Variants in UNC45B observed in about 807,000 individuals in gnomAD.
The protein encoded by UNC45B is unc-45 myosin chaperone B, also known as protein unc-45 homolog B.
A neutral mutation model predicts 98.7 loss-of-function variants in UNC45B; 78 were observed. The ratio of observed to expected loss-of-function variants is 0.79; its 90% CI spans 0.66 to 0.95. The LOEUF (loss-of-function observed/expected upper bound fraction) is 0.95, where lower values mean the gene tolerates loss of function less well. Among genes scored for constraint, UNC45B ranks in the 40% least tolerant of loss-of-function variants. The pLI is 0.00. For missense variants in UNC45B, 1,225 were observed against 1,184.9 expected, an observed-to-expected ratio of 1.03 and a Z score of -0.50; for synonymous variants, 462 against 480.4, an observed-to-expected ratio of 0.96 and a Z score of 0.50.
chr17:35,168,451 C>T, intron 10 of UNC45B, 90 bp downstream of exon 10: 1 of 1,174,784 alleles, frequency 8.5e-7, no homozygotes, highest in Non-Finnish European at 1.1e-6. Context: ...AGGCTGCTGT[C>T]CTTGAGGAGA....
rs1248891653 is a variant in UNC45B, at chr17:35,170,096, C to T, written c.1548-18C>T. On this transcript the variant is annotated intron_variant, in intron 11 of 19. Coordinates refer to ENST00000394570, the MANE Select transcript of UNC45B (RefSeq NM_001267052.2). ...AGCCCTGGGCCCCTTCCCATGTGTG[C>T]TCCCTCCTCACTTCCAGGTGGCTGT... is the stretch of plus-strand genomic sequence containing the variant. 1 of 1,604,598 alleles carries T rather than the reference C, an allele frequency of 6.2e-7. No homozygotes were observed.
At chr17:35,154,250 T>C (rs542862622) in intron 5 of UNC45B, among the ~76,000 whole-genome samples, 70 of 152,364 alleles carry the variant, frequency 4.6e-4, no homozygotes, top group Admixed American at 1.2e-3. Context: ...TATACATCTT[T>C]ATTTTAACAT....
Position 35,180,547 on chromosome 17 carries a change from C to G in UNC45B, c.2256-12C>G. The G allele has an allele frequency of 6.2e-7, 1 of 1,610,542 alleles. No homozygotes were observed. The highest frequency in any genetic ancestry group is 1.3e-5 in the African/African-American group (1 of 74,964). On this transcript the variant is annotated splice_polypyrimidine_tract_variant and intron_variant, in intron 17 of 19. Transcript: ENST00000394570. The stretch of plus-strand genomic sequence containing the variant: ...ACTCAAGGGTCTTTCTTCCTCCACC[C>G]TCCTACCCTAGGCAGAAGATCTTTA...
intron 13 of UNC45B, among the ~76,000 whole-genome samples, chr17:35,172,123 A>G (rs1370539861): frequency 6.6e-6 from 1 of 152,190 alleles, no homozygotes; most frequent in African/African-American, 2.4e-5. Context: ...GTTACCTACC[A>G]GAGGCTTTTT....
chr17:35,150,645 A>G (rs1055672552), intron 4 of UNC45B, among the ~76,000 whole-genome samples: 1 of 152,086 alleles, frequency 6.6e-6, no homozygotes, highest in Non-Finnish European at 1.5e-5. Flanking sequence ...GCTACTCAAG[A>G]GGCTGAGGCA....
Position 35,154,599 on chromosome 17 carries a change from G to T in UNC45B, c.497G>T (p.Gly166Val), listed in dbSNP as rs983087978. 6.8e-6 allele frequency: 11 copies of T among 1,613,586 alleles called. No homozygotes were observed. Among genetic ancestry groups the T allele is most frequent in the Non-Finnish European group, 9.3e-6 (11 of 1,179,850 alleles). ...EKAANNLIVL[G>V]REEAGAEKIF... Reference sequence around the variant, plus strand: ...GCTGCCAACAATCTCATTGTCCTAGGCCGTGAGGAAGCAGGGGCTGAGAAG... The same window carrying T: ...GCTGCCAACAATCTCATTGTCCTAGTCCGTGAGGAAGCAGGGGCTGAGAAG... Residue 166 changes from glycine to valine, a missense_variant, in exon 6 of 20, where the codon GGC becomes GTC. Gly to Val is a moderately radical substitution (Grantham distance 109). Transcript: ENST00000394570.
intron 14 of UNC45B, among the ~76,000 whole-genome samples, chr17:35,175,034 G>A (rs894219886): frequency 7.3e-6 from 1 of 137,586 alleles, no homozygotes; most frequent in African/African-American, 2.8e-5. Context: ...AGGAGAGAGA[G>A]GAAAGAAGGA....
intron 12 of UNC45B, among the ~76,000 whole-genome samples, chr17:35,171,088 A>T (rs1039561118): frequency 2.0e-5 from 3 of 152,156 alleles, no homozygotes; most frequent in African/African-American, 7.2e-5. Context: ...TCTTTGTGGG[A>T]CAGCTCCTAT....
intron 8 of UNC45B, among the ~76,000 whole-genome samples, chr17:35,163,705 G>A (rs1334027929): frequency 1.3e-5 from 2 of 152,168 alleles, no homozygotes; most frequent in Non-Finnish European, 2.9e-5. Context: ...CTATACATCA[G>A]CCCATGGAAT....
At chr17:35,172,775 T>C (rs1184574030) in intron 13 of UNC45B, among the ~76,000 whole-genome samples, 1 of 152,172 alleles carries the variant, frequency 6.6e-6, no homozygotes, top group Non-Finnish European at 1.5e-5. Context: ...ATCCACTGTG[T>C]CCTTTCCTGC....
chr17:35,152,509 G>C (rs943612627), intron 4 of UNC45B, among the ~76,000 whole-genome samples: 3 of 152,190 alleles, frequency 2.0e-5, no homozygotes, highest in African/African-American at 7.2e-5. Context: ...TAAAAAGAAA[G>C]AAAGCTGCTT....
At chr17:35,148,904 GA>G in intron 2 of UNC45B, 68 bp from the exon 3 acceptor site, 1 of 1,596,472 alleles carries the variant, frequency 6.3e-7, no homozygotes, top group Non-Finnish European at 8.6e-7. Flanking sequence ...ACACTGTGGG[GA>G]CACTCTCTGG....
chr17:35,151,260 C>A, intron 4 of UNC45B: 1 of 222,922 alleles, frequency 4.5e-6, no homozygotes, highest in Non-Finnish European at 9.2e-6. Context: ...GGTCGCGGGC[C>A]TCGATCAGAA....
chr17:35,154,807 T>G, intron 6 of UNC45B, 66 bp downstream of exon 6: 1 of 1,480,936 alleles, frequency 6.8e-7, no homozygotes, highest in Non-Finnish European at 8.9e-7. Flanking sequence ...GAGGGTGACG[T>G]GTGGTCAGGG....
At position 35,176,028 on chromosome 17, in the gene UNC45B, T is replaced by C. The variant is rs2092230752; in HGVS notation, c.2019T>C (p.Gly673=). The C allele has an allele frequency of 6.2e-7, 1 of 1,614,052 alleles. No homozygotes were observed. Among genetic ancestry groups the C allele is most frequent in the African/African-American group, 1.3e-5 (1 of 74,928 alleles). ...GAGGCACCATTGTGGCTCAAGGTGG[T>C]GGCAAGGTAACTGGGCAGGTGCCTT... The part of the protein sequence containing the change: ...KDRGTIVAQG[G]GKALIPLALE... Residue 673 remains glycine (G), a synonymous_variant, in exon 15 of 20, where the codon GGT becomes GGC. Transcript: ENST00000394570.
At position 35,187,655 on chromosome 17, in the gene UNC45B, A is replaced by G. The variant is rs2092312012; in HGVS notation, c.*1096A>G. On this transcript the variant is annotated 3_prime_UTR_variant, in exon 20 of 20. Transcript: ENST00000394570. The stretch of plus-strand genomic sequence containing the variant: ...ATCCCTGTCCAATTGACATGGACTG[A>G]TTAGGGGTATTAATGGAAGAGGTGT... 2.0e-5 allele frequency: 3 copies of G among 152,212 alleles called. No homozygotes were observed. In the South Asian group the frequency reaches 6.2e-4, roughly 32 times the overall value. The allele number at this position is 152,212 out of a possible 1,614,324, so 9.4% of individuals were successfully genotyped here.
Position 35,186,476 on chromosome 17 carries a change from GAGA to G in UNC45B, c.2713_2715del (p.Lys905del), listed in dbSNP as rs1162010006. 41 of 1,614,126 alleles carry G rather than the reference GAGA, an allele frequency of 2.5e-5. No homozygotes were observed. The highest frequency in any genetic ancestry group is 4.5e-5 in the East Asian group (2 of 44,902). ...TGTGGTGGGCAAACAGGAGCCAGAT[GAGA>G]AGAAGGCAGAAGTGGTTCAGACAGC... On this transcript the variant is annotated inframe_deletion, in exon 20 of 20. Transcript: ENST00000394570.
intron 9 of UNC45B, 130 bp downstream of exon 9, chr17:35,164,296 G>A: frequency 8.5e-7 from 1 of 1,177,980 alleles, no homozygotes; most frequent in Non-Finnish European, 1.2e-6. Context: ...AGAAATTTGG[G>A]AGTGGTTTGG....
intron 7 of UNC45B, among the ~76,000 whole-genome samples, chr17:35,158,795 G>C (rs1450295071): frequency 6.6e-6 from 1 of 152,162 alleles, no homozygotes; most frequent in African/African-American, 2.4e-5. Context: ...ACATGGTTTG[G>C]AGAGCTTTAC....
Sources: gnomAD v4.1 joint callset for allele counts (sites outside exome capture counted in the v4.1 genomes callset) on GRCh38, gnomAD v4.1.1 for gene constraint, MANE v1.5 for transcripts, NCBI Gene and HGNC (gene_info 2026-07-23, HGNC 2026-07-21) for gene names.